SPMIP2: variants seen among roughly 807,000 people sequenced by gnomAD.
SPMIP2 encodes protein SPMIP2.
chr4:159,017,890 C>T, the SPMIP2 span, among the ~76,000 whole-genome samples: 2 of 152,168 alleles, frequency 1.3e-5, no homozygotes, highest in Non-Finnish European at 2.9e-5. Context: ...GGAGGCAACA[C>T]AAAGCGAGAT....
At chr4:159,031,005 G>T in the SPMIP2 span, among the ~76,000 whole-genome samples, 4 of 152,062 alleles carry the variant, frequency 2.6e-5, no homozygotes, top group African/African-American at 4.8e-5. Context: ...ATAGTGACAA[G>T]ATATTTTTCT....
At chr4:159,044,735 C>G in the SPMIP2 span, among the ~76,000 whole-genome samples, 1 of 152,184 alleles carries the variant, frequency 6.6e-6, no homozygotes, top group African/African-American at 2.4e-5. Flanking sequence ...TCCAATATAA[C>G]ATTTTTCAAG....
chr4:159,041,429 T>G, the SPMIP2 span, among the ~76,000 whole-genome samples: 1 of 152,232 alleles, frequency 6.6e-6, no homozygotes, highest in Non-Finnish European at 1.5e-5. Flanking sequence ...ATCTTATAAA[T>G]GCATGAGTTG....
chr4:159,045,572 G>A, the SPMIP2 span, among the ~76,000 whole-genome samples: 1 of 152,228 alleles, frequency 6.6e-6, no homozygotes, highest in Non-Finnish European at 1.5e-5. Flanking sequence ...TAAAAGGAAT[G>A]TGGGGGTGGG....
At chr4:158,969,003 G>A in the SPMIP2 span, among the ~76,000 whole-genome samples, 3 of 151,890 alleles carry the variant, frequency 2.0e-5, no homozygotes, top group Admixed American at 6.5e-5. Flanking sequence ...GAGTTCCCAC[G>A]ATTCTCCTTA....
At chr4:158,960,187 GAA>G in the SPMIP2 span, 1 of 698,912 alleles carries the variant, frequency 1.4e-6, no homozygotes, top group Admixed American at 3.3e-5. Context: ...GAAATAAAAA[GAA>G]AGTGTTAATA....
At chr4:158,979,372 A>G in the SPMIP2 span, among the ~76,000 whole-genome samples, 507 of 152,212 alleles carry the variant, frequency 3.3e-3, 2 homozygotes, top group African/African-American at 0.011. Flanking sequence ...TGGTTCTCTC[A>G]TGGGCATTCC....
At chr4:158,979,265 G>A in the SPMIP2 span, among the ~76,000 whole-genome samples, 1 of 152,170 alleles carries the variant, frequency 6.6e-6, no homozygotes, top group Admixed American at 6.5e-5. Flanking sequence ...AGAATTTCAA[G>A]CCAGTGGATC....
chr4:159,036,783 T>C, the SPMIP2 span, among the ~76,000 whole-genome samples: 1 of 152,240 alleles, frequency 6.6e-6, no homozygotes, highest in Non-Finnish European at 1.5e-5. Context: ...TGACCTGCAT[T>C]ATGCTCTTCT....
chr4:159,061,961 A>G, the SPMIP2 span, among the ~76,000 whole-genome samples: 1 of 152,160 alleles, frequency 6.6e-6, no homozygotes, highest in Admixed American at 6.5e-5. Context: ...AGCCATCCAT[A>G]GTGATGGTAT....
chr4:158,957,466 G>A, the SPMIP2 span, among the ~76,000 whole-genome samples: 6 of 151,854 alleles, frequency 4.0e-5, no homozygotes, highest in African/African-American at 9.7e-5. Context: ...TTTCTCTGTC[G>A]CCCAGGCTGG....
the SPMIP2 span, among the ~76,000 whole-genome samples, chr4:159,028,269 G>C: frequency 8.5e-5 from 13 of 152,128 alleles, 1 homozygote; most frequent in African/African-American, 3.1e-4. Flanking sequence ...TTTGAGCCAA[G>C]TAGGAATTAA....
At chr4:158,934,642 T>C in the SPMIP2 span, among the ~76,000 whole-genome samples, 17 of 152,132 alleles carry the variant, frequency 1.1e-4, no homozygotes, top group African/African-American at 3.6e-4. Context: ...CTCTCTGCTT[T>C]CCCTACCCAC....
chr4:158,901,949 A>G, the SPMIP2 span, among the ~76,000 whole-genome samples: 2 of 151,854 alleles, frequency 1.3e-5, no homozygotes, highest in Non-Finnish European at 2.9e-5. Flanking sequence ...TTTAGCTCAG[A>G]GGAGTTTGTT....
At chr4:159,072,473 T>C in the SPMIP2 span, among the ~76,000 whole-genome samples, 4 of 48,866 alleles carry the variant, frequency 8.2e-5, no homozygotes, top group Non-Finnish European at 1.6e-4. Flanking sequence ...TTTTTTTTTT[T>C]GGAGATAGGG....
the SPMIP2 span, among the ~76,000 whole-genome samples, chr4:159,050,904 C>T: frequency 1.3e-5 from 2 of 151,888 alleles, no homozygotes; most frequent in Admixed American, 1.3e-4. Context: ...GTCAGGAAAT[C>T]GAGACCATCC....
chr4:158,979,814 T>TTTTTTC, the SPMIP2 span, among the ~76,000 whole-genome samples: 11 of 139,944 alleles, frequency 7.9e-5, no homozygotes, highest in African/African-American at 3.0e-4. Context: ...TTTTTTTTTT[T>TTTTTTC]CATACCCCAG....
At chr4:159,055,012 GAA>G in the SPMIP2 span, among the ~76,000 whole-genome samples, 1 of 152,178 alleles carries the variant, frequency 6.6e-6, no homozygotes, top group Admixed American at 6.5e-5. Context: ...CTTATAACTA[GAA>G]AGCCTTATCA....
chr4:159,064,441 C>A, the SPMIP2 span: 1 of 152,032 alleles, frequency 6.6e-6, no homozygotes, highest in South Asian at 2.1e-4. Flanking sequence ...GCCAAGTAGG[C>A]TAGAAAAGGA....
Sources: allele counts gnomAD v4.1 joint callset (sites outside exome capture counted in the v4.1 genomes callset), GRCh38; gene constraint gnomAD v4.1.1; transcripts MANE v1.5; gene names NCBI Gene and HGNC (gene_info 2026-07-23, HGNC 2026-07-21).